EXPH5: variants seen among roughly 807,000 people sequenced by gnomAD.
EXPH5 encodes exophilin-5.
Under a neutral mutation model 41.1 loss-of-function variants are expected in EXPH5, and 42 were observed. That is an observed-to-expected ratio of 1.02 (90% CI 0.80 to 1.32). EXPH5 has a LOEUF of 1.32. Among genes scored for constraint, EXPH5 ranks in the 40% most tolerant of loss-of-function variants. The probability of loss-of-function intolerance (pLI) is 0.00; values close to 1 mark genes in which losing one functional copy is unlikely to be tolerated. For synonymous variants in EXPH5, 798 were observed against 833.5 expected, an observed-to-expected ratio of 0.96 and a Z score of 0.73; for missense variants, 2,298 against 2,314.5, an observed-to-expected ratio of 0.99 and a Z score of 0.15.
intron 1 of EXPH5, among the ~76,000 whole-genome samples, chr11:108,589,259 A>G (rs763069908): frequency 5.3e-5 from 8 of 152,164 alleles, no homozygotes; most frequent in African/African-American, 1.7e-4. Flanking sequence ...TAGACATCCA[A>G]TGTCTCTAGA....
intron 3 of EXPH5, among the ~76,000 whole-genome samples, chr11:108,535,025 C>T (rs935165917): frequency 2.0e-5 from 3 of 152,118 alleles, no homozygotes; most frequent in African/African-American, 7.2e-5. Flanking sequence ...AGGGTCTGAT[C>T]CAGAGTGGGA....
chr11:108,529,096 A>G (rs2093819527), intron 3 of EXPH5, among the ~76,000 whole-genome samples: 1 of 152,052 alleles, frequency 6.6e-6, no homozygotes, highest in Non-Finnish European at 1.5e-5. Context: ...TTAAAGAGCA[A>G]TTAAGTAACG....
At chr11:108,518,771 A>T (rs2093744598) in intron 4 of EXPH5, among the ~76,000 whole-genome samples, 1 of 152,200 alleles carries the variant, frequency 6.6e-6, no homozygotes, top group Non-Finnish European at 1.5e-5. Flanking sequence ...ATGAGACTGG[A>T]GGTCGGCACG....
At chr11:108,516,089 A>AC (rs571867309) in intron 5 of EXPH5, among the ~76,000 whole-genome samples, 3,595 of 150,322 alleles carry the variant, frequency 0.024, 59 homozygotes, top group Non-Finnish European at 0.034. Flanking sequence ...AAAAAAAAAA[A>AC]CCAGAAAAAA....
rs576676162 is a variant in EXPH5, at chr11:108,544,839, A to C, written c.120-3027T>G. On this transcript the variant is annotated intron_variant, in intron 1 of 5. Coordinates refer to ENST00000265843, the MANE Select transcript of EXPH5 (RefSeq NM_015065.3). ...TCCCCCTTTTGGGCACACACACACAAAAAATGGAAAACACCTGATGTTTTA... is the reference window on the plus strand; with the variant it reads ...TCCCCCTTTTGGGCACACACACACACAAAATGGAAAACACCTGATGTTTTA... Among the ~76,000 whole-genome samples, 48 of 152,306 alleles carry C rather than the reference A, an allele frequency of 3.2e-4. 1 individual carries two copies. In the South Asian group the frequency reaches 8.7e-3, roughly 28 times the overall value.
At position 108,506,917 on chromosome 11, in the gene EXPH5, G is replaced by C. The variant is rs1296752543; in HGVS notation, c.*2620C>G. On this transcript the variant is annotated 3_prime_UTR_variant, in exon 6 of 6. Transcript: ENST00000265843. ...GAGGCAGGAGAATCGCTTGAACCTG[G>C]GAGGCGGAGGTTGCAGTGAGCCGAG... 6.6e-6 allele frequency: 1 copy of C among 152,160 alleles called. No homozygotes were observed. Among genetic ancestry groups the C allele is most frequent in the Non-Finnish European group, 1.5e-5 (1 of 68,068 alleles). 9.4% of individuals were successfully genotyped at this position (152,160 alleles called of 1,614,324 possible).
At chr11:108,520,805 G>A (rs1016722383) in intron 4 of EXPH5, among the ~76,000 whole-genome samples, 1 of 152,152 alleles carries the variant, frequency 6.6e-6, no homozygotes, top group African/African-American at 2.4e-5. Context: ...CTGACCTCAG[G>A]CAATCCTCCT....
intron 3 of EXPH5, among the ~76,000 whole-genome samples, chr11:108,537,310 T>C (rs7110533): frequency 0.055 from 8,356 of 152,286 alleles, 700 homozygotes; most frequent in African/African-American, 0.18. Flanking sequence ...ACCCAGTGCC[T>C]TTAATTATAT....
chr11:108,511,781 A>G lies in EXPH5; in HGVS notation c.3726T>C (p.Asp1242=). 6.2e-7 allele frequency: 1 copy of G among 1,610,038 alleles called. No individual in the cohort carries two copies. The highest frequency in any genetic ancestry group is 8.5e-7 in the Non-Finnish European group (1 of 1,179,092). ...TSTFSVSGDE[D]NVKCLEVVSI... ...AGACCACCTCCAGACATTTTACATTATCTTCATCACCAGAAACAGAAAACG... is the reference window on the plus strand; with the variant it reads ...AGACCACCTCCAGACATTTTACATTGTCTTCATCACCAGAAACAGAAAACG... The change falls in exon 6 of 6, where the codon GAT becomes GAC. Residue 1242 remains aspartate, a synonymous_variant. Transcript: ENST00000265843.
At chr11:108,601,861 A>T in the EXPH5 span, among the ~76,000 whole-genome samples, 1 of 151,940 alleles carries the variant, frequency 6.6e-6, no homozygotes, top group East Asian at 1.9e-4. Context: ...CCATCCTCCC[A>T]CCGCAGCCTC....
Position 108,510,730 on chromosome 11 carries a change from G to C in EXPH5, c.4777C>G (p.His1593Asp). Residue 1593 changes from histidine (H) to aspartate (D), a missense_variant, in exon 6 of 6, where the codon CAC becomes GAC. By Grantham distance (81) the His-to-Asp change is moderately conservative. Transcript: ENST00000265843. ...GCTTTAGACATGGCTGCCAATCTGTGTTTAACTGAAGATCTATTTTCCCCC... is the reference window on the plus strand; with the variant it reads ...GCTTTAGACATGGCTGCCAATCTGTCTTTAACTGAAGATCTATTTTCCCCC... ...VKGENRSSVK[H>D]RLAAMSKASR... The C allele has an allele frequency of 6.2e-7, 1 of 1,614,182 alleles. No homozygotes were observed. Among genetic ancestry groups the C allele is most frequent in the South Asian group, 1.1e-5 (1 of 91,078 alleles).
At chr11:108,540,585 C>T (rs2093907301) in intron 2 of EXPH5, among the ~76,000 whole-genome samples, 1 of 152,166 alleles carries the variant, frequency 6.6e-6, no homozygotes, top group African/African-American at 2.4e-5. Context: ...TGCAAAAATG[C>T]AGTCAATGTG....
At chr11:108,572,580 C>T (rs2094064356) in intron 1 of EXPH5, among the ~76,000 whole-genome samples, 1 of 152,088 alleles carries the variant, frequency 6.6e-6, no homozygotes, top group African/African-American at 2.4e-5. Context: ...TATTTTGAGA[C>T]AGAGTTTTCC....
At chr11:108,566,493 C>A (rs1042661324) in intron 1 of EXPH5, among the ~76,000 whole-genome samples, 1 of 152,048 alleles carries the variant, frequency 6.6e-6, no homozygotes, top group South Asian at 2.1e-4. Flanking sequence ...GAGAAACTGA[C>A]CAAATGATGA....
chr11:108,530,469 G>A (rs2093830115), intron 3 of EXPH5, among the ~76,000 whole-genome samples: 1 of 152,210 alleles, frequency 6.6e-6, no homozygotes, highest in African/African-American at 2.4e-5. Context: ...GAAGGCAATA[G>A]GAAGATGGCA....
At chr11:108,591,083 T>A (rs921313868) in intron 1 of EXPH5, among the ~76,000 whole-genome samples, 1 of 152,206 alleles carries the variant, frequency 6.6e-6, no homozygotes. Flanking sequence ...GGACCCTTAT[T>A]GTTCTAGTCA....
At chr11:108,528,922 C>T (rs1168105566) in intron 3 of EXPH5, among the ~76,000 whole-genome samples, 5 of 151,650 alleles carry the variant, frequency 3.3e-5, no homozygotes, top group Non-Finnish European at 7.4e-5. Flanking sequence ...AGGCTGGTCT[C>T]GAACTCCTGA....
intron 4 of EXPH5, among the ~76,000 whole-genome samples, chr11:108,525,257 C>G (rs1428554285): frequency 6.6e-6 from 1 of 152,184 alleles, no homozygotes; most frequent in Non-Finnish European, 1.5e-5. Flanking sequence ...AACTAATACA[C>G]AGGCCCTGCC....
At chr11:108,577,132 T>C (rs558352435) in intron 1 of EXPH5, among the ~76,000 whole-genome samples, 1 of 152,356 alleles carries the variant, frequency 6.6e-6, no homozygotes, top group Non-Finnish European at 1.5e-5. Context: ...ATTTTCCTTA[T>C]TCATTCATCC....
Sources: gnomAD v4.1 joint callset for allele counts (sites outside exome capture counted in the v4.1 genomes callset) on GRCh38, gnomAD v4.1.1 for gene constraint, MANE v1.5 for transcripts, NCBI Gene and HGNC (gene_info 2026-07-23, HGNC 2026-07-21) for gene names.